Variants in SLC33A2 observed in about 807,000 individuals in gnomAD.
SLC33A2 encodes the protein major facilitator superfamily domain containing 3.
At chr8:144,509,641 G>C in the SLC33A2 span, 5 of 1,546,966 alleles carry the variant, frequency 3.2e-6, no homozygotes, top group African/African-American at 5.5e-5. Context: ...GCTGTGGCGG[G>C]GTTGCTGCTG....
At chr8:144,510,737 T>C in the SLC33A2 span, 19 of 1,601,198 alleles carry the variant, frequency 1.2e-5, no homozygotes, top group Non-Finnish European at 1.6e-5. Context: ...GGGGCTGGCC[T>C]TGAGGAGGAA....
the SLC33A2 span, chr8:144,509,433 G>A: frequency 1.7e-5 from 26 of 1,532,380 alleles, no homozygotes; most frequent in East Asian, 6.4e-4. Flanking sequence ...GCGTGCCGGC[G>A]GCCTCTCGCT....
At chr8:144,509,761 A>ACAAGCTGGGGGCCGCG in the SLC33A2 span, 1 of 1,563,040 alleles carries the variant, frequency 6.4e-7, no homozygotes, top group Non-Finnish European at 8.6e-7. Context: ...GTGGTCGCGT[A>ACAAGCTGGGGGCCGCG]CAAGCTGGGG....
the SLC33A2 span, chr8:144,509,930 T>C: frequency 6.3e-7 from 1 of 1,583,528 alleles, no homozygotes; most frequent in Non-Finnish European, 8.5e-7. Context: ...CCGAGCAGCG[T>C]CCCCACACCG....
At chr8:144,511,001 A>G in the SLC33A2 span, 2 of 1,601,236 alleles carry the variant, frequency 1.2e-6, no homozygotes, top group Admixed American at 1.7e-5. Flanking sequence ...GCCACACACT[A>G]CAGCCTTCTG....
At chr8:144,509,329 C>A in the SLC33A2 span, 1 of 1,455,402 alleles carries the variant, frequency 6.9e-7, no homozygotes, top group South Asian at 1.4e-5. Context: ...CCGGCCTGAG[C>A]CGCCATGCGC....
At chr8:144,510,974 A>G in the SLC33A2 span, 2 of 1,599,030 alleles carry the variant, frequency 1.3e-6, no homozygotes, top group East Asian at 2.2e-5. Flanking sequence ...CTTGACCGTG[A>G]CCCCCACCCC....
At chr8:144,510,540 C>T in the SLC33A2 span, 1 of 1,611,788 alleles carries the variant, frequency 6.2e-7, no homozygotes, top group South Asian at 1.1e-5. Context: ...TGCCCACCCA[C>T]TTGTACCTGA....
chr8:144,510,899 T>G, the SLC33A2 span: 1 of 1,605,084 alleles, frequency 6.2e-7, no homozygotes, highest in Non-Finnish European at 8.5e-7. Context: ...CCCAGGGCCC[T>G]GCAGGTGAGT....
At chr8:144,510,986 C>A in the SLC33A2 span, 2 of 1,600,264 alleles carry the variant, frequency 1.2e-6, no homozygotes. Flanking sequence ...CCCCACCCCC[C>A]TCAGGCCACA....
At chr8:144,509,974 G>A in the SLC33A2 span, 2 of 1,596,192 alleles carry the variant, frequency 1.3e-6, no homozygotes, top group Non-Finnish European at 8.5e-7. Flanking sequence ...GCCGTGCCGG[G>A]GACCGTGTGG....
the SLC33A2 span, chr8:144,509,915 C>CCCTT: frequency 6.4e-7 from 1 of 1,566,350 alleles, no homozygotes; most frequent in East Asian, 2.3e-5. Flanking sequence ...CACAGCAGCC[C>CCCTT]CCTTCCGAGC....
At chr8:144,509,943 C>A in the SLC33A2 span, 3 of 1,592,066 alleles carry the variant, frequency 1.9e-6, no homozygotes, top group East Asian at 2.2e-5. Flanking sequence ...CCACACCGCG[C>A]ACCTTCTGCG....
At chr8:144,510,148 A>C in the SLC33A2 span, 4 of 1,306,476 alleles carry the variant, frequency 3.1e-6, no homozygotes, top group South Asian at 1.4e-5. Context: ...TGGCCCTGAC[A>C]TCCGGGGCTC....
At chr8:144,510,406 C>T in the SLC33A2 span, 60 of 1,612,698 alleles carry the variant, frequency 3.7e-5, no homozygotes, top group Non-Finnish European at 4.6e-5. Flanking sequence ...TGCTGGACCA[C>T]GGCGTTTCTG....
chr8:144,510,249 C>T, the SLC33A2 span: 2 of 1,502,928 alleles, frequency 1.3e-6, no homozygotes, highest in South Asian at 2.5e-5. Flanking sequence ...CCAGTATCTG[C>T]AGCTCTGGAA....
At chr8:144,511,089 C>T in the SLC33A2 span, 3,034 of 1,609,452 alleles carry the variant, frequency 1.9e-3, 69 homozygotes, top group Middle Eastern at 5.0e-4. Context: ...GGCCACATCC[C>T]TGCTTCTTGC....
the SLC33A2 span, chr8:144,510,656 C>G: frequency 1.9e-6 from 3 of 1,560,344 alleles, no homozygotes; most frequent in African/African-American, 4.1e-5. Context: ...CCTAGCCTGT[C>G]AGACTGCCTT....
chr8:144,509,351 G>A, the SLC33A2 span: 2 of 1,470,814 alleles, frequency 1.4e-6, no homozygotes, highest in African/African-American at 1.5e-5. Flanking sequence ...GGAAGTTGCT[G>A]CCGCTGGCCG....
Sources: gnomAD v4.1 joint callset for allele counts on GRCh38, gnomAD v4.1.1 for gene constraint, MANE v1.5 for transcripts, NCBI Gene and HGNC (gene_info 2026-07-23, HGNC 2026-07-21) for gene names.